Variants in MEI4 observed in about 807,000 individuals in gnomAD.
The protein encoded by MEI4 is meiosis-specific protein MEI4.
MEI4 carries 27 observed loss-of-function variants against 31.4 expected under a neutral mutation model. The observed-to-expected ratio is 0.86, with a 90% confidence interval of 0.63 to 1.19. The LOEUF (loss-of-function observed/expected upper bound fraction) is 1.19. Among genes scored for constraint, MEI4 ranks in the 50% most tolerant of loss-of-function variants. The probability of loss-of-function intolerance (pLI) is 0.00; values close to 1 mark genes in which losing one functional copy is unlikely to be tolerated. For missense variants in MEI4, 329 were observed against 398.9 expected, an observed-to-expected ratio of 0.82 and a Z score of 1.49; for synonymous variants, 122 against 145.4, an observed-to-expected ratio of 0.84 and a Z score of 1.16.
At chr6:77,823,734 A>G (rs1769881212) in intron 3 of MEI4, among the ~76,000 whole-genome samples, 1 of 152,142 alleles carries the variant, frequency 6.6e-6, no homozygotes, top group African/African-American at 2.4e-5. Flanking sequence ...TTATTATAGA[A>G]TAATAGGAAA....
In MEI4 at chr6:77,917,527, G is replaced by A. The variant is rs368279826; in HGVS notation, c.901-5562G>A. Among the ~76,000 whole-genome samples, 60 of 145,272 alleles carry A rather than the reference G, an allele frequency of 4.1e-4. 1 individual carries two copies. Among genetic ancestry groups the A allele is most frequent in the Non-Finnish European group, 6.7e-4 (45 of 66,774 alleles). On this transcript the variant is annotated intron_variant, in intron 4 of 4. Transcript: ENST00000684080. ...TGCATTTCTCTGATGGCCAGTGATGGTGAGCATTTTTTCATGTGTTTTTTG... is the reference window on the plus strand; with the variant it reads ...TGCATTTCTCTGATGGCCAGTGATGATGAGCATTTTTTCATGTGTTTTTTG...
chr6:77,674,855 TTCTTTATAC>T (rs1280989245), intron 1 of MEI4, among the ~76,000 whole-genome samples: 2 of 152,154 alleles, frequency 1.3e-5, no homozygotes, highest in African/African-American at 4.8e-5. Context: ...CTCTATACAT[TTCTTTATAC>T]TTTGTCTACA....
chr6:77,716,659 G>A (rs142083965), intron 2 of MEI4, among the ~76,000 whole-genome samples: 136 of 152,260 alleles, frequency 8.9e-4, no homozygotes, highest in Non-Finnish European at 1.5e-3. Flanking sequence ...ATAAAAGTTG[G>A]CAAAAGGTAA....
At chr6:77,792,957 C>T (rs1353249757) in intron 3 of MEI4, among the ~76,000 whole-genome samples, 2 of 152,162 alleles carry the variant, frequency 1.3e-5, no homozygotes, top group Admixed American at 6.6e-5. Context: ...CGTGATCCGC[C>T]TGCCTCAGCC....
chr6:77,821,799 C>CAAAA (rs34905460), intron 3 of MEI4, among the ~76,000 whole-genome samples: 5 of 93,054 alleles, frequency 5.4e-5, no homozygotes, highest in Non-Finnish European at 1.0e-4. Context: ...GCCATCTCTC[C>CAAAA]AAAAAAAAAA....
chr6:77,843,221 C>T (rs1395140732), intron 4 of MEI4, among the ~76,000 whole-genome samples: 2 of 151,772 alleles, frequency 1.3e-5, no homozygotes, highest in Non-Finnish European at 2.9e-5. Flanking sequence ...GAAAGACTTA[C>T]TTGAGAGAAG....
chr6:77,846,704 T>G (rs760884009), intron 4 of MEI4, among the ~76,000 whole-genome samples: 27 of 152,214 alleles, frequency 1.8e-4, no homozygotes, highest in Non-Finnish European at 3.1e-4. Context: ...GAGAGCAGGT[T>G]GTGGCACTTG....
intron 4 of MEI4, among the ~76,000 whole-genome samples, chr6:77,912,446 G>A (rs924861855): frequency 2.6e-5 from 4 of 152,052 alleles, no homozygotes; most frequent in African/African-American, 9.7e-5. Flanking sequence ...TCCTATCCAT[G>A]AGTATGAGAT....
chr6:77,849,361 C>G (rs933940653), intron 4 of MEI4, among the ~76,000 whole-genome samples: 1 of 152,094 alleles, frequency 6.6e-6, no homozygotes, highest in African/African-American at 2.4e-5. Context: ...GAGAGTGGGA[C>G]TGAAAGAAAG....
At chr6:77,787,251 C>T (rs541656014) in intron 3 of MEI4, among the ~76,000 whole-genome samples, 1 of 152,274 alleles carries the variant, frequency 6.6e-6, no homozygotes, top group South Asian at 2.1e-4. Flanking sequence ...GCAGCCCTCC[C>T]AGAGACCCGC....
At chr6:77,678,721 T>TAA (rs61348137) in intron 1 of MEI4, among the ~76,000 whole-genome samples, 28 of 149,720 alleles carry the variant, frequency 1.9e-4, no homozygotes, top group Admixed American at 9.3e-4. Context: ...TTCTACTTAT[T>TAA]AAAAAAAAAA....
At chr6:77,894,385 ATTT>A (rs201687088) in intron 4 of MEI4, among the ~76,000 whole-genome samples, 1 of 151,776 alleles carries the variant, frequency 6.6e-6, no homozygotes, top group Admixed American at 6.6e-5. Context: ...GATTGATTGT[ATTT>A]TTTTTTAAAA....
At chr6:77,824,251 A>G (rs1318623500) in intron 3 of MEI4, among the ~76,000 whole-genome samples, 1 of 152,064 alleles carries the variant, frequency 6.6e-6, no homozygotes, top group Non-Finnish European at 1.5e-5. Context: ...CACCATCCCC[A>G]GCTAATTTTT....
chr6:77,734,912 A>T (rs933853689), intron 2 of MEI4, among the ~76,000 whole-genome samples: 1 of 151,844 alleles, frequency 6.6e-6, no homozygotes, highest in Admixed American at 6.6e-5. Context: ...TTGGCTGGAT[A>T]TGAAATTCTG....
At chr6:77,804,123 G>T (rs1294172992) in intron 3 of MEI4, among the ~76,000 whole-genome samples, 1 of 152,216 alleles carries the variant, frequency 6.6e-6, no homozygotes, top group Non-Finnish European at 1.5e-5. Context: ...GCTCCACCCA[G>T]TTCGAGCTTC....
chr6:77,749,084 A>G (rs1767695385), intron 2 of MEI4, among the ~76,000 whole-genome samples: 1 of 152,172 alleles, frequency 6.6e-6, no homozygotes, highest in Non-Finnish European at 1.5e-5. Context: ...CATCAAATAA[A>G]AAGATGCCCA....
chr6:77,857,403 T>C (rs1437228525), intron 4 of MEI4, among the ~76,000 whole-genome samples: 1 of 152,192 alleles, frequency 6.6e-6, no homozygotes, highest in Non-Finnish European at 1.5e-5. Context: ...CAAAGAATGA[T>C]TTCTGTTGCT....
In MEI4 at chr6:77,732,707, G is replaced by A. The variant is rs1331366386; in HGVS notation, c.233-28423G>A. 1.2e-4 allele frequency among the ~76,000 whole-genome samples: 18 copies of A among 152,110 alleles called. No individual in the cohort carries two copies. In the South Asian group the frequency reaches 2.5e-3, roughly 21 times the overall value. ...GAGAGGGCATCCCTGTCTTGTGCCAGTTTTCAAAGGGAATGCTTCCAGTTT... is the reference window on the plus strand; with the variant it reads ...GAGAGGGCATCCCTGTCTTGTGCCAATTTTCAAAGGGAATGCTTCCAGTTT... On this transcript the variant is annotated intron_variant, in intron 2 of 4. Transcript: ENST00000684080.
Position 77,923,723 on chromosome 6 carries a change from AAAG to A in MEI4, c.*381_*383del, listed in dbSNP as rs34993240. 0.76 allele frequency: 116,119 copies of A among 153,514 alleles called. 44,995 individuals carry two copies. Among genetic ancestry groups the A allele is most frequent in the East Asian group, 0.95 (4,942 of 5,202 alleles). The allele number at this position is 153,514 out of a possible 1,614,324, so 9.5% of individuals were successfully genotyped here. ...ATGGTAATCAAAGAAAGAGATTTTT[AAAG>A]AAGTTTAGTTGCATTATCAACACAA... On this transcript the variant is annotated 3_prime_UTR_variant, in exon 5 of 5. Coordinates refer to ENST00000684080, the MANE Select transcript of MEI4 (RefSeq NM_001322247.2).
Sources: gnomAD v4.1 joint callset for allele counts (sites outside exome capture counted in the v4.1 genomes callset) on GRCh38, gnomAD v4.1.1 for gene constraint, MANE v1.5 for transcripts, NCBI Gene and HGNC (gene_info 2026-07-23, HGNC 2026-07-21) for gene names.